Variants in CLSTN1 observed in about 807,000 individuals in gnomAD.
CLSTN1 encodes calsyntenin-1.
CLSTN1 carries 28 observed loss-of-function variants against 108.3 expected under a neutral mutation model. The observed-to-expected ratio is 0.26, with a 90% CI of 0.19 to 0.35. The LOEUF (loss-of-function observed/expected upper bound fraction) is 0.35, where lower values mean the gene tolerates loss of function less well. CLSTN1 is among the 10% of genes least tolerant of loss of function. The pLI is 1.00. For synonymous variants in CLSTN1, 524 were observed against 534.9 expected (o/e 0.98, Z 0.28); for missense variants, 1,157 against 1,302.6 (o/e 0.89, Z 1.72).
intron 1 of CLSTN1, among the ~76,000 whole-genome samples, chr1:9,790,586 AT>A (rs1209169958): frequency 6.6e-6 from 1 of 151,380 alleles, no homozygotes; most frequent in Non-Finnish European, 1.5e-5. Flanking sequence ...TTGTCAGTAT[AT>A]TTCAATTCAC....
rs111622223 is a variant in CLSTN1, at chr1:9,744,335, G to C, written c.1234+60C>G. 13 of 1,542,502 alleles carry C rather than the reference G, an allele frequency of 8.4e-6. No homozygotes were observed. The African/African-American group carries it at 1.4e-4, about 16-fold the overall frequency. On this transcript the variant is annotated intron_variant, in intron 8 of 18. Transcript: ENST00000377298. ...CCTGGGAAAGGAGAGGGAGCCTGCC[G>C]CTGGCACCCACCCTACTGGACACTG...
chr1:9,785,727 C>T (rs1363024780), intron 1 of CLSTN1, among the ~76,000 whole-genome samples: 1 of 152,034 alleles, frequency 6.6e-6, no homozygotes, highest in Middle Eastern at 3.2e-3. Flanking sequence ...ATGATGTCTA[C>T]ATGAAAATCA....
chr1:9,775,817 C>T (rs767533342), intron 1 of CLSTN1, among the ~76,000 whole-genome samples: 8 of 152,118 alleles, frequency 5.3e-5, no homozygotes, highest in African/African-American at 9.7e-5. Flanking sequence ...GAAGGATCTT[C>T]GTGCAACATT....
At chr1:9,745,673 A>G (rs1170060910) in intron 7 of CLSTN1, among the ~76,000 whole-genome samples, 3 of 151,960 alleles carry the variant, frequency 2.0e-5, no homozygotes, top group Non-Finnish European at 4.4e-5. Flanking sequence ...AAACAAATAC[A>G]ATAAAAGTGG....
intron 4 of CLSTN1, among the ~76,000 whole-genome samples, chr1:9,754,190 C>T (rs1325427394): frequency 6.6e-6 from 1 of 152,176 alleles, no homozygotes; most frequent in East Asian, 1.9e-4. Flanking sequence ...GAGAAGCAGA[C>T]TTTTTCAATT....
chr1:9,802,609 C>CTAT (rs1654329505), intron 1 of CLSTN1, among the ~76,000 whole-genome samples: 1 of 152,072 alleles, frequency 6.6e-6, no homozygotes, highest in Non-Finnish European at 1.5e-5. Context: ...TGAATATTTT[C>CTAT]TATTATAGGG....
intron 2 of CLSTN1, among the ~76,000 whole-genome samples, chr1:9,771,689 G>C (rs777960265): frequency 1.3e-3 from 205 of 152,186 alleles, no homozygotes; most frequent in Non-Finnish European, 2.3e-3. Context: ...GTGTGTTCAC[G>C]GCATGGGGTA....
At chr1:9,808,258 A>T (rs1232770665) in intron 1 of CLSTN1, among the ~76,000 whole-genome samples, 1 of 152,216 alleles carries the variant, frequency 6.6e-6, no homozygotes, top group Non-Finnish European at 1.5e-5. Context: ...AAATCCACTT[A>T]TAAGTGGACA....
At chr1:9,739,845 T>C (rs12088273) in intron 10 of CLSTN1, among the ~76,000 whole-genome samples, 33,209 of 145,764 alleles carry the variant, frequency 0.23, 6,942 homozygotes, top group African/African-American at 0.55. Context: ...GAGACGGAGT[T>C]TCGCTCTGTC....
At chr1:9,751,407 G>C in intron 5 of CLSTN1, 66 bp downstream of exon 5, 1 of 1,477,720 alleles carries the variant, frequency 6.8e-7, no homozygotes, top group Non-Finnish European at 9.4e-7. Flanking sequence ...AGAAGCTGGG[G>C]TGTAAAGTCA....
intron 3 of CLSTN1, among the ~76,000 whole-genome samples, chr1:9,755,707 T>G (rs1298417553): frequency 2.0e-5 from 3 of 152,096 alleles, no homozygotes; most frequent in African/African-American, 7.2e-5. Context: ...CCAGTTTGAT[T>G]TGGACCAGAG....
intron 6 of CLSTN1, 57 bp from the exon 7 acceptor site, chr1:9,749,703 T>C (rs1651459543): frequency 9.3e-6 from 15 of 1,611,016 alleles, no homozygotes; most frequent in Non-Finnish European, 1.3e-5. Flanking sequence ...CACTCTAGGT[T>C]GCTGCCGCAT....
intron 1 of CLSTN1, among the ~76,000 whole-genome samples, chr1:9,798,458 A>G (rs1212830910): frequency 6.6e-6 from 1 of 152,224 alleles, no homozygotes; most frequent in Non-Finnish European, 1.5e-5. Context: ...AACTCAGAAC[A>G]TTCAGCTAAG....
chr1:9,753,787 G>A (rs948200414), intron 4 of CLSTN1, among the ~76,000 whole-genome samples: 9 of 152,072 alleles, frequency 5.9e-5, no homozygotes, highest in African/African-American at 2.2e-4. Flanking sequence ...GATTACAGGC[G>A]TGAGCCACCG....
intron 2 of CLSTN1, among the ~76,000 whole-genome samples, chr1:9,767,819 GATGAAAAAATATT>G (rs1652422842): frequency 6.6e-6 from 1 of 152,126 alleles, no homozygotes; most frequent in South Asian, 2.1e-4. Flanking sequence ...TTTGTAGAAA[GATGAAAAAATATT>G]TCTCACAAAA....
intron 1 of CLSTN1, among the ~76,000 whole-genome samples, chr1:9,795,573 A>T (rs1436654083): frequency 2.0e-5 from 3 of 151,522 alleles, no homozygotes; most frequent in Non-Finnish European, 2.9e-5. Context: ...CAGAACCAAT[A>T]GAAGCATAAG....
chr1:9,808,792 T>A (rs919086500), intron 1 of CLSTN1, among the ~76,000 whole-genome samples: 3 of 152,098 alleles, frequency 2.0e-5, no homozygotes, highest in Non-Finnish European at 4.4e-5. Context: ...CAGGGTTCCA[T>A]CACTGCTCTC....
intron 1 of CLSTN1, among the ~76,000 whole-genome samples, chr1:9,779,737 T>C (rs1333940450): frequency 2.0e-5 from 3 of 151,898 alleles, no homozygotes; most frequent in Non-Finnish European, 2.9e-5. Flanking sequence ...CAGGTATCTA[T>C]GAAAATAAAC....
chr1:9,753,035 C>T (rs532735608), intron 4 of CLSTN1, among the ~76,000 whole-genome samples: 1 of 152,216 alleles, frequency 6.6e-6, no homozygotes, highest in South Asian at 2.1e-4. Context: ...AGAACACCAG[C>T]AGTCCCCAGC....
Sources: gnomAD v4.1 joint callset for allele counts (sites outside exome capture counted in the v4.1 genomes callset) on GRCh38, gnomAD v4.1.1 for gene constraint, MANE v1.5 for transcripts, NCBI Gene and HGNC (gene_info 2026-07-23, HGNC 2026-07-21) for gene names.